Variants in MRTFB observed in about 807,000 individuals in gnomAD.
The protein encoded by MRTFB is myocardin related transcription factor B.
In MRTFB, 29 loss-of-function variants were observed where a neutral mutation model predicts 104.2. The observed-to-expected ratio is 0.28, with a 90% confidence interval of 0.21 to 0.38. MRTFB has a LOEUF of 0.38. Ranked by LOEUF, MRTFB falls within the 10% of genes least tolerant of loss-of-function variation. MRTFB has a pLI of 1.00. For missense variants in MRTFB, 1,270 were observed against 1,341.6 expected (o/e 0.95, Z 0.83); for synonymous variants, 535 against 519.5 (o/e 1.03, Z -0.41).
At chr16:14,186,656 G>A (rs917179288) in intron 3 of MRTFB, 7 of 1,257,906 alleles carry the variant, frequency 5.6e-6, no homozygotes, top group Non-Finnish European at 2.0e-6. Flanking sequence ...TTTTAGAATC[G>A]TGCCTGTGTG....
At chr16:14,167,413 C>G (rs2039281409) in intron 3 of MRTFB, among the ~76,000 whole-genome samples, 2 of 151,522 alleles carry the variant, frequency 1.3e-5, no homozygotes, top group African/African-American at 4.8e-5. Context: ...TAGACCTTTT[C>G]CAGATGGATA....
intron 2 of MRTFB, among the ~76,000 whole-genome samples, chr16:14,093,193 A>G (rs943343995): frequency 3.9e-5 from 6 of 152,156 alleles, no homozygotes; most frequent in African/African-American, 1.4e-4. Flanking sequence ...AAATATTAGA[A>G]AAGCACAGTT....
chr16:14,148,285 C>G (rs2038424849), intron 3 of MRTFB, among the ~76,000 whole-genome samples: 2 of 152,116 alleles, frequency 1.3e-5, no homozygotes, highest in African/African-American at 4.8e-5. Context: ...TAAAGTGGGG[C>G]TCCGTTTACT....
intron 11 of MRTFB, among the ~76,000 whole-genome samples, 193 bp downstream of exon 11, chr16:14,245,853 T>G (rs993500174): frequency 2.0e-5 from 3 of 152,244 alleles, no homozygotes; most frequent in African/African-American, 7.2e-5. Flanking sequence ...TAACTGTCAT[T>G]TACTGAGTGT....
At chr16:14,104,897 G>A (rs1036426418) in intron 2 of MRTFB, among the ~76,000 whole-genome samples, 1 of 152,190 alleles carries the variant, frequency 6.6e-6, no homozygotes, top group African/African-American at 2.4e-5. Context: ...TAGCTGAGTA[G>A]TTAGAGGACA....
chr16:14,032,327 G>C, the MRTFB span, among the ~76,000 whole-genome samples: 17 of 152,318 alleles, frequency 1.1e-4, no homozygotes, highest in South Asian at 3.5e-3. Context: ...CCAAAGGACA[G>C]GGTTTTGGAG....
At chr16:14,006,760 A>T in the MRTFB span, among the ~76,000 whole-genome samples, 4 of 151,892 alleles carry the variant, frequency 2.6e-5, no homozygotes, top group Non-Finnish European at 5.9e-5. Flanking sequence ...TCATGCCTGT[A>T]ATTCCAGCAA....
intron 2 of MRTFB, among the ~76,000 whole-genome samples, chr16:14,119,229 G>A (rs1596934700): frequency 6.6e-6 from 1 of 152,194 alleles, no homozygotes. Flanking sequence ...GTGCCATACA[G>A]AAAATGGAAG....
chr16:14,078,010 T>C (rs141167698), intron 1 of MRTFB, among the ~76,000 whole-genome samples: 269 of 152,224 alleles, frequency 1.8e-3, no homozygotes, highest in Non-Finnish European at 3.3e-3. Flanking sequence ...TGCCTTAGTC[T>C]CTCTTGGATG....
At chr16:14,250,459 C>T (rs745889126) in intron 13 of MRTFB, among the ~76,000 whole-genome samples, 6 of 152,212 alleles carry the variant, frequency 3.9e-5, no homozygotes, top group Non-Finnish European at 8.8e-5. Flanking sequence ...TGGAGTTCCA[C>T]AGCAAGAAGT....
At chr16:14,234,431 C>A in intron 9 of MRTFB, 148 bp downstream of exon 9, 4 of 941,886 alleles carry the variant, frequency 4.2e-6, no homozygotes, top group Non-Finnish European at 6.1e-6. Flanking sequence ...CAAAGACTTG[C>A]TAGACTGGGG....
chr16:14,176,551 A>G (rs1320039376), intron 3 of MRTFB, among the ~76,000 whole-genome samples: 4 of 152,354 alleles, frequency 2.6e-5, no homozygotes, highest in African/African-American at 9.6e-5. Flanking sequence ...TGAATTTATT[A>G]TATACAGTGA....
chr16:14,251,538 A>G (rs1416687701), intron 13 of MRTFB, among the ~76,000 whole-genome samples: 21 of 152,236 alleles, frequency 1.4e-4, no homozygotes, highest in Non-Finnish European at 2.9e-5. Flanking sequence ...TTACTGCGTA[A>G]AGGGACCACA....
intron 2 of MRTFB, among the ~76,000 whole-genome samples, chr16:14,138,779 T>G (rs1597032196): frequency 1.3e-5 from 2 of 152,316 alleles, no homozygotes; most frequent in South Asian, 4.1e-4. Context: ...GATCTATTTA[T>G]GCATACTCAG....
the MRTFB span, among the ~76,000 whole-genome samples, chr16:14,003,096 T>C: frequency 6.6e-6 from 1 of 152,288 alleles, no homozygotes; most frequent in Non-Finnish European, 1.5e-5. Context: ...ATGGTCCCCC[T>C]TGAGCTATTG....
the MRTFB span, among the ~76,000 whole-genome samples, chr16:14,050,834 A>C: frequency 3.4e-3 from 524 of 152,246 alleles, no homozygotes; most frequent in African/African-American, 0.012. Flanking sequence ...GGAGGTCTCG[A>C]TAATACTGTC....
intron 2 of MRTFB, among the ~76,000 whole-genome samples, chr16:14,106,998 G>A (rs540992604): frequency 3.9e-5 from 6 of 152,172 alleles, no homozygotes; most frequent in Admixed American, 6.5e-5. Context: ...AGGTCTAGGC[G>A]TAGGTTACCA....
At chr16:14,094,206 A>G (rs951004727) in intron 2 of MRTFB, among the ~76,000 whole-genome samples, 1 of 152,188 alleles carries the variant, frequency 6.6e-6, no homozygotes, top group African/African-American at 2.4e-5. Flanking sequence ...GCTTTCAGGT[A>G]TACAGTATTT....
At chr16:13,997,954 A>G in the MRTFB span, among the ~76,000 whole-genome samples, 1 of 152,166 alleles carries the variant, frequency 6.6e-6, no homozygotes, top group African/African-American at 2.4e-5. Flanking sequence ...TACTCAAACC[A>G]TCAACAAACA....
Sources: gnomAD v4.1 joint callset for allele counts (sites outside exome capture counted in the v4.1 genomes callset) on GRCh38, gnomAD v4.1.1 for gene constraint, MANE v1.5 for transcripts, NCBI Gene and HGNC (gene_info 2026-07-23, HGNC 2026-07-21) for gene names.